Variants in NIPSNAP2 observed in about 807,000 individuals in gnomAD.
NIPSNAP2 encodes the protein protein NipSnap homolog 2.
In NIPSNAP2, 42 loss-of-function variants were observed where a neutral mutation model predicts 48.4. The observed-to-expected ratio is 0.87, with a 90% CI of 0.68 to 1.12. NIPSNAP2 has a LOEUF of 1.12. NIPSNAP2 is among the 50% of genes most tolerant of loss of function. The probability of loss-of-function intolerance (pLI) is 0.00; values close to 1 mark genes in which losing one functional copy is unlikely to be tolerated. For missense variants in NIPSNAP2, 314 were observed against 347.3 expected, an observed-to-expected ratio of 0.90 and a Z score of 0.76; for synonymous variants, 158 against 126.6, an observed-to-expected ratio of 1.25 and a Z score of -1.67.
intron 1 of NIPSNAP2, among the ~76,000 whole-genome samples, chr7:55,966,906 G>A (rs904038542): frequency 2.0e-5 from 3 of 152,252 alleles, no homozygotes; most frequent in African/African-American, 7.2e-5. Context: ...TGTAGGAGGG[G>A]GAGCTGGCAA....
chr7:55,975,898 C>CT (rs1208693027), intron 1 of NIPSNAP2, among the ~76,000 whole-genome samples: 20 of 152,084 alleles, frequency 1.3e-4, no homozygotes, highest in South Asian at 4.1e-4. Flanking sequence ...ATTAGCCGTG[C>CT]ACGGTGGCAC....
rs1258225577 is a variant in NIPSNAP2, at chr7:55,993,234, G to T, written c.618-1660G>T. Among the ~76,000 whole-genome samples, 3 of 151,834 alleles carry T rather than the reference G, an allele frequency of 2.0e-5. No homozygotes were observed. The East Asian group carries it at 5.8e-4, about 29-fold the overall frequency. On this transcript the variant is annotated intron_variant, in intron 7 of 9. Coordinates refer to ENST00000322090, the MANE Select transcript of NIPSNAP2 (RefSeq NM_001483.3). Reference sequence around the variant, plus strand: ...GAATAGCTTAAACCTGGGAGGCAGAGGTTGCAGTGAGCCGAGATCCCGCCA... The same window carrying T: ...GAATAGCTTAAACCTGGGAGGCAGATGTTGCAGTGAGCCGAGATCCCGCCA...
At chr7:55,987,103 G>A (rs1207583773) in intron 7 of NIPSNAP2, among the ~76,000 whole-genome samples, 1 of 151,716 alleles carries the variant, frequency 6.6e-6, no homozygotes, top group African/African-American at 2.4e-5. Context: ...GGTGGAGACT[G>A]CAGTGAGCCA....
At chr7:55,966,172 G>T (rs774991804) in intron 1 of NIPSNAP2, among the ~76,000 whole-genome samples, 4 of 152,186 alleles carry the variant, frequency 2.6e-5, no homozygotes, top group Non-Finnish European at 2.9e-5. Flanking sequence ...AAGTGGAAAC[G>T]CAAACAGACA....
chr7:55,964,615 G>C lies in NIPSNAP2; in HGVS notation c.6G>C (p.Ala2=). ...GAGCCGAGGCGCCGAGCAAGATGGC[G>C]GCGCGAGTGCTGCGCGCCCGCGGAG... is the stretch of plus-strand genomic sequence containing the variant. M[A]ARVLRARGAA... Residue 2 remains alanine, a synonymous_variant, in exon 1 of 10, where the codon GCG becomes GCC. Transcript: ENST00000322090. 9.6e-7 allele frequency: 1 copy of C among 1,039,672 alleles called. No homozygotes were observed. Among genetic ancestry groups the C allele is most frequent in the South Asian group, 4.4e-5 (1 of 22,532 alleles). 64.4% of individuals were successfully genotyped at this position (1,039,672 alleles called of 1,614,324 possible).
rs942796252 is a variant in NIPSNAP2 at position 55,988,493 on chromosome 7, G to C, written c.617+3615G>C. On this transcript the variant is annotated intron_variant, in intron 7 of 9. Transcript: ENST00000322090. Reference sequence around the variant, plus strand: ...CGTGTTAGTGAGGTGAGGAGAAAGTGGACCCTTCCGATATTGCTGATGGGA... The same window carrying C: ...CGTGTTAGTGAGGTGAGGAGAAAGTCGACCCTTCCGATATTGCTGATGGGA... 2.0e-5 allele frequency among the ~76,000 whole-genome samples: 3 copies of C among 152,016 alleles called. No homozygotes were observed. In the East Asian group the frequency reaches 5.8e-4, roughly 29 times the overall value.
intron 1 of NIPSNAP2, among the ~76,000 whole-genome samples, chr7:55,974,258 C>CA (rs34972221): frequency 5.3e-4 from 65 of 123,540 alleles, no homozygotes; most frequent in Admixed American, 7.7e-4. Flanking sequence ...ATTTTTTAAG[C>CA]AAAAAAAAAG....
At chr7:55,965,954 C>T (rs1022510365) in intron 1 of NIPSNAP2, among the ~76,000 whole-genome samples, 23 of 152,166 alleles carry the variant, frequency 1.5e-4, no homozygotes, top group African/African-American at 5.6e-4. Flanking sequence ...TGAGTGGACC[C>T]TGGCACTGAG....
intron 8 of NIPSNAP2, among the ~76,000 whole-genome samples, chr7:55,997,114 G>A (rs567399430): frequency 5.0e-4 from 76 of 150,994 alleles, no homozygotes; most frequent in African/African-American, 1.6e-3. Flanking sequence ...AAACATCATC[G>A]TGCCATTGCG....
At chr7:55,996,837 G>A (rs1562770217) in intron 8 of NIPSNAP2, among the ~76,000 whole-genome samples, 1 of 152,050 alleles carries the variant, frequency 6.6e-6, no homozygotes, top group African/African-American at 2.4e-5. Flanking sequence ...AGACCAGCTC[G>A]GGCAACATAG....
chr7:55,984,717 C>CA (rs34985300), intron 6 of NIPSNAP2, 130 bp from the exon 7 acceptor site: 10,129 of 490,446 alleles, frequency 0.021, 4 homozygotes, highest in East Asian at 0.034. Context: ...GATTCTGTCT[C>CA]AAAAAAAAAA....
chr7:55,988,410 A>C (rs1162627147), intron 7 of NIPSNAP2, among the ~76,000 whole-genome samples: 1 of 152,152 alleles, frequency 6.6e-6, no homozygotes, highest in Non-Finnish European at 1.5e-5. Context: ...TGAAACTATA[A>C]TGGGATACCA....
chr7:55,979,852 G>A (rs1200170760), intron 3 of NIPSNAP2: 1 of 456,598 alleles, frequency 2.2e-6, no homozygotes, highest in East Asian at 7.0e-5. Context: ...CCAGTTCTGG[G>A]TACAAGTACT....
At chr7:55,965,912 G>C (rs1345516073) in intron 1 of NIPSNAP2, among the ~76,000 whole-genome samples, 1 of 152,190 alleles carries the variant, frequency 6.6e-6, no homozygotes. Context: ...TCTGACTTGG[G>C]AGAGGGGGCA....
At chr7:55,969,495 G>A (rs1786969290) in intron 1 of NIPSNAP2, among the ~76,000 whole-genome samples, 1 of 152,008 alleles carries the variant, frequency 6.6e-6, no homozygotes, top group South Asian at 2.1e-4. Context: ...GTTAGAGCAG[G>A]CCCCCAGGCT....
chr7:55,969,675 A>C (rs564781030), intron 1 of NIPSNAP2, among the ~76,000 whole-genome samples: 22 of 152,246 alleles, frequency 1.4e-4, no homozygotes, highest in African/African-American at 5.1e-4. Context: ...GGTGTAGTGC[A>C]CAGTCTGTAA....
intron 7 of NIPSNAP2, among the ~76,000 whole-genome samples, chr7:55,987,210 A>G (rs1007398975): frequency 6.6e-6 from 1 of 152,102 alleles, no homozygotes; most frequent in Non-Finnish European, 1.5e-5. Context: ...CCACTTCTGG[A>G]TATATATCCA....
chr7:55,979,753 C>G (rs1362993569), intron 3 of NIPSNAP2: 5 of 455,372 alleles, frequency 1.1e-5, no homozygotes, highest in African/African-American at 8.0e-5. Flanking sequence ...TTCTCTGAAA[C>G]TTTCAGCAGC....
Position 55,997,310 on chromosome 7 carries a change from G to A in NIPSNAP2, c.713-56G>A, listed in dbSNP as rs573332960. 39 of 1,229,280 alleles carry A rather than the reference G, an allele frequency of 3.2e-5. No homozygotes were observed. In the African/African-American group the frequency reaches 4.9e-4, roughly 15 times the overall value. 76.1% of individuals were successfully genotyped at this position (1,229,280 alleles called of 1,614,324 possible). A position where few individuals can be genotyped will look rare whatever the true frequency, so the allele number is the denominator to read the frequency against. On this transcript the variant is annotated intron_variant, in intron 8 of 9. Transcript: ENST00000322090. ...GAAGCAAGACTTTAACGGATGTATG[G>A]GTGGAATGCAGTGTATGTGTTTTAA...
Sources: gnomAD v4.1 joint callset for allele counts (sites outside exome capture counted in the v4.1 genomes callset) on GRCh38, gnomAD v4.1.1 for gene constraint, MANE v1.5 for transcripts, NCBI Gene and HGNC (gene_info 2026-07-23, HGNC 2026-07-21) for gene names.